Variants in RGPD3 observed in about 807,000 individuals in gnomAD.
RGPD3 encodes the protein RANBP2 like and GRIP domain containing 3.
Under a neutral mutation model 154.5 loss-of-function variants are expected in RGPD3, and 62 were observed. The ratio of observed to expected loss-of-function variants is 0.40; its 90% CI spans 0.33 to 0.50. RGPD3 has a LOEUF of 0.50. RGPD3 is among the 20% of genes least tolerant of loss of function. The pLI is 0.59. For synonymous variants in RGPD3, 308 were observed against 607.0 expected (o/e 0.51, Z 7.24); for missense variants, 919 against 1,716.8 (o/e 0.54, Z 8.21).
chr2:106,450,587 A>C (rs1485554655), intron 6 of RGPD3, among the ~76,000 whole-genome samples: 1 of 118,168 alleles, frequency 8.5e-6, no homozygotes, highest in East Asian at 3.4e-4. Flanking sequence ...GGTGGGGAAC[A>C]ACCTGAGGCA....
At chr2:106,461,916 C>T (rs1558862381) in intron 1 of RGPD3, among the ~76,000 whole-genome samples, 2 of 151,934 alleles carry the variant, frequency 1.3e-5, no homozygotes, top group African/African-American at 2.4e-5. Flanking sequence ...TTGTTCCCCC[C>T]TTCCTTTTTT....
At chr2:106,414,881 G>C (rs1005483146) in intron 21 of RGPD3, among the ~76,000 whole-genome samples, 2 of 152,028 alleles carry the variant, frequency 1.3e-5, no homozygotes, top group Non-Finnish European at 1.5e-5. Flanking sequence ...GCAAAGTACA[G>C]GGGAAAAGCA....
intron 20 of RGPD3, 70 bp downstream of exon 20, chr2:106,422,971 CAA>C (rs1165102327): frequency 6.3e-7 from 1 of 1,595,960 alleles, no homozygotes; most frequent in Non-Finnish European, 8.5e-7. Flanking sequence ...TAGTATCCCA[CAA>C]AGAGTCTGCA....
rs1286193366 is a variant in RGPD3, at chr2:106,434,025, C to G, written c.2205+203G>C. Among the ~76,000 whole-genome samples, 6 of 131,982 alleles carry G rather than the reference C, an allele frequency of 4.5e-5. No homozygotes were observed. The Admixed American group carries it at 4.8e-4, about 11-fold the overall frequency. The allele number at this position is 131,982 out of a possible 152,430, so 86.6% of individuals were successfully genotyped here. A position where few individuals can be genotyped will look rare whatever the true frequency, so the allele number is the denominator to read the frequency against. On this transcript the variant is annotated intron_variant, in intron 15 of 22. Coordinates refer to ENST00000409886, the MANE Select transcript of RGPD3 (RefSeq NM_001144013.2). ...AAGAAGTACTTTTTAAGAGCATATA[C>G]CTAGATTCCCAAGTTTAAAAAGACA...
chr2:106,451,258 G>A (rs1468515024), intron 6 of RGPD3, among the ~76,000 whole-genome samples: 2 of 151,620 alleles, frequency 1.3e-5, no homozygotes, highest in East Asian at 1.9e-4. Flanking sequence ...TAATCTTAAA[G>A]TTATGTTAGT....
intron 21 of RGPD3, among the ~76,000 whole-genome samples, 167 bp downstream of exon 21, chr2:106,415,674 CAAAAAAAAA>C (rs879163469): frequency 2.2e-5 from 1 of 44,754 alleles, no homozygotes; most frequent in Non-Finnish European, 3.8e-5. Context: ...AAGACTGTCT[CAAAAAAAAA>C]AAAAAAAAAA....
chr2:106,418,781 T>G (rs1480946521), intron 20 of RGPD3, among the ~76,000 whole-genome samples: 2 of 149,492 alleles, frequency 1.3e-5, no homozygotes, highest in African/African-American at 4.9e-5. Flanking sequence ...TTGTTCAGAC[T>G]GGTCTCAAAC....
intron 22 of RGPD3, among the ~76,000 whole-genome samples, chr2:106,405,980 AT>A (rs1195145881): frequency 1.4e-5 from 2 of 145,998 alleles, no homozygotes; most frequent in South Asian, 2.1e-4. Context: ...AACATTATTT[AT>A]TGTCTTTCTC....
At chr2:106,460,447 T>C (rs1486771571) in intron 1 of RGPD3, among the ~76,000 whole-genome samples, 14 of 144,764 alleles carry the variant, frequency 9.7e-5, no homozygotes, top group East Asian at 2.1e-4. Flanking sequence ...ATCAGTATTT[T>C]ACAGTCAAGG....
intron 6 of RGPD3, among the ~76,000 whole-genome samples, chr2:106,447,886 G>T (rs1270277333): frequency 1.3e-5 from 2 of 151,968 alleles, no homozygotes; most frequent in African/African-American, 4.8e-5. Flanking sequence ...TATAAGATCA[G>T]TGATTATAGG....
Position 106,413,148 on chromosome 2 carries a change from A to T in RGPD3, c.5202T>A (p.Pro1734=). Residue 1734 remains proline, a synonymous_variant, in exon 22 of 23, where the codon CCT becomes CCA. Coordinates refer to ENST00000409886, the MANE Select transcript of RGPD3 (RefSeq NM_001144013.2). ...KPGSERERLL[P]VINTMLQLSL... The stretch of plus-strand genomic sequence containing the variant: ...TGAGCTGCAACATCGTATTTATAAC[A>T]GGAAGAAGTCTCTCTCTTTCACTAC... The T allele has an allele frequency of 6.2e-7, 1 of 1,611,642 alleles. No homozygotes were observed. The highest frequency in any genetic ancestry group is 8.5e-7 in the Non-Finnish European group (1 of 1,179,762).
At chr2:106,411,479 A>G (rs1676670335) in intron 22 of RGPD3, among the ~76,000 whole-genome samples, 1 of 146,720 alleles carries the variant, frequency 6.8e-6, no homozygotes, top group Non-Finnish European at 1.5e-5. Flanking sequence ...CACTTTCTTC[A>G]ATTAATAAGT....
At chr2:106,468,823 A>G (rs1391021146), upstream of RGPD3, among the ~76,000 whole-genome samples, 1 of 149,284 alleles carries the variant, frequency 6.7e-6, no homozygotes, top group East Asian at 1.9e-4. Context: ...AAAAAAAAAA[A>G]AAAAAAAAAA....
Position 106,421,987 on chromosome 2 carries a change from A to C in RGPD3, c.4924+1056T>G, listed in dbSNP as rs528869376. 2.0e-5 allele frequency among the ~76,000 whole-genome samples: 3 copies of C among 151,294 alleles called. No individual in the cohort carries two copies. In the South Asian group the frequency reaches 6.3e-4, roughly 32 times the overall value. On this transcript the variant is annotated intron_variant, in intron 20 of 22. Coordinates refer to ENST00000409886, the MANE Select transcript of RGPD3 (RefSeq NM_001144013.2). ...GTTGTAGTGGTAAGTACTTCATTTC[A>C]TACAGCCACAGTTATTAATACTTTG...
At chr2:106,440,554 C>CA (rs1241997999) in intron 8 of RGPD3, among the ~76,000 whole-genome samples, 6 of 142,524 alleles carry the variant, frequency 4.2e-5, no homozygotes, top group Non-Finnish European at 9.2e-5. Context: ...CTAACTCCCA[C>CA]AAAAAAAGTG....
At chr2:106,405,372 GTTCTTTT>G in intron 22 of RGPD3, 143 bp from the exon 23 acceptor site, 2 of 875,604 alleles carry the variant, frequency 2.3e-6, no homozygotes, top group Non-Finnish European at 3.2e-6. Flanking sequence ...GGTGGGGGGG[GTTCTTTT>G]TTTTTTTTTT....
At chr2:106,438,565 T>C (rs1272737118) in intron 9 of RGPD3, among the ~76,000 whole-genome samples, 3 of 151,336 alleles carry the variant, frequency 2.0e-5, no homozygotes, top group Admixed American at 1.3e-4. Flanking sequence ...GTGGATCACC[T>C]GAGGTCAGGA....
chr2:106,407,483 A>G (rs1167224242), intron 22 of RGPD3, among the ~76,000 whole-genome samples: 1 of 151,664 alleles, frequency 6.6e-6, no homozygotes, highest in Non-Finnish European at 1.5e-5. Context: ...ACAACTTGGC[A>G]CTGGTTATGT....
At chr2:106,462,375 A>G (rs1678430250) in intron 1 of RGPD3, among the ~76,000 whole-genome samples, 1 of 151,030 alleles carries the variant, frequency 6.6e-6, no homozygotes. Flanking sequence ...AGGGAACTGA[A>G]GCTCAAGCAG....
Sources: allele counts gnomAD v4.1 joint callset (sites outside exome capture counted in the v4.1 genomes callset), GRCh38; gene constraint gnomAD v4.1.1; transcripts MANE v1.5; gene names NCBI Gene and HGNC (gene_info 2026-07-23, HGNC 2026-07-21).